The following IFT81 variants were observed in gnomAD, a reference collection of about 807,000 sequenced individuals.
IFT81 encodes the protein intraflagellar transport protein 81 homolog.
In IFT81, 72 loss-of-function variants were observed where a neutral mutation model predicts 102.6. The ratio of observed to expected loss-of-function variants is 0.70; its 90% CI spans 0.58 to 0.85. The LOEUF is 0.85. IFT81 is among the 40% of genes least tolerant of loss of function. IFT81 has a pLI of 0.00. For synonymous variants in IFT81, 237 were observed against 242.7 expected (o/e 0.98, Z 0.22); for missense variants, 723 against 787.3 (o/e 0.92, Z 0.98).
chr12:110,148,877 T>G (rs1045922034), intron 10 of IFT81, among the ~76,000 whole-genome samples: 2 of 152,218 alleles, frequency 1.3e-5, no homozygotes, highest in Non-Finnish European at 2.9e-5. Context: ...TTATCATTAT[T>G]TATCAGTTTT....
At chr12:110,156,956 T>C (rs996392979) in intron 10 of IFT81, among the ~76,000 whole-genome samples, 1 of 152,188 alleles carries the variant, frequency 6.6e-6, no homozygotes, top group Admixed American at 6.5e-5. Flanking sequence ...TGTATGTGAC[T>C]AGTCAGTCTC....
In IFT81 at chr12:110,180,538, TA is replaced by T; in HGVS notation, c.1307del (p.Lys436SerfsTer30). 1 of 1,607,014 alleles carries T rather than the reference TA, an allele frequency of 6.2e-7. No individual in the cohort carries two copies. The highest frequency in any genetic ancestry group is 1.1e-5 in the South Asian group (1 of 90,278). ...GLLQRTEELL[K>X]QRHENIQQQL... The stretch of plus-strand genomic sequence containing the variant: ...TTTTGCAGAGGACTGAAGAACTTCT[TA>T]AGCAACGTCATGAAAATATTCAACA... On this transcript the variant is annotated frameshift_variant, in exon 12 of 19. Transcript: ENST00000242591. LOFTEE classifies it high-confidence loss of function.
At chr12:110,211,053 G>C (rs1472330906) in intron 18 of IFT81, among the ~76,000 whole-genome samples, 1 of 149,354 alleles carries the variant, frequency 6.7e-6, no homozygotes, top group Non-Finnish European at 1.5e-5. Flanking sequence ...TTGTAGAGAC[G>C]GGGTTTCGCC....
chr12:110,206,675 TAAA>T (rs551478493), intron 17 of IFT81, among the ~76,000 whole-genome samples: 4 of 129,010 alleles, frequency 3.1e-5, no homozygotes, highest in Admixed American at 7.9e-5. Context: ...ACTCTGTCTT[TAAA>T]AAAAAAAAAA....
chr12:110,198,021 T>C (rs1200164882), intron 14 of IFT81, among the ~76,000 whole-genome samples: 2 of 152,202 alleles, frequency 1.3e-5, no homozygotes. Context: ...CCTTATTTCT[T>C]TATTTGTACA....
intron 5 of IFT81, among the ~76,000 whole-genome samples, chr12:110,133,019 GGAGTACAGTGGTGT>G (rs1423420354): frequency 6.9e-6 from 1 of 144,230 alleles, no homozygotes; most frequent in Non-Finnish European, 1.5e-5. Flanking sequence ...CATTCAGACT[GGAGTACAGTGGTGT>G]GATCACAGCT....
intron 18 of IFT81, 140 bp downstream of exon 18, chr12:110,209,356 G>A (rs1007183232): frequency 1.4e-5 from 6 of 427,128 alleles, no homozygotes; most frequent in African/African-American, 1.0e-4. Flanking sequence ...TTTAAAGATG[G>A]AAGACTTCCT....
At chr12:110,158,878 G>A (rs924734627) in intron 10 of IFT81, among the ~76,000 whole-genome samples, 1 of 151,622 alleles carries the variant, frequency 6.6e-6, no homozygotes, top group East Asian at 1.9e-4. Context: ...GTGAGCCACC[G>A]CGCCCGGCCA....
At chr12:110,135,537 T>C (rs1446821493) in intron 7 of IFT81, 100 bp downstream of exon 7, 7 of 679,884 alleles carry the variant, frequency 1.0e-5, no homozygotes, top group African/African-American at 7.3e-5. Flanking sequence ...ACGTTCACGT[T>C]CCTTTTGCTA....
intron 12 of IFT81, among the ~76,000 whole-genome samples, chr12:110,183,880 C>T (rs1897409470): frequency 6.6e-6 from 1 of 152,152 alleles, no homozygotes; most frequent in Admixed American, 6.6e-5. Context: ...TCTGTCAGGG[C>T]CCTGACTTTG....
At chr12:110,217,708 C>T (rs1160627507) in intron 18 of IFT81, among the ~76,000 whole-genome samples, 6 of 151,856 alleles carry the variant, frequency 4.0e-5, no homozygotes, top group East Asian at 3.9e-4. Context: ...ACTACAGGCG[C>T]GTGCCCCCAT....
chr12:110,178,081 C>T (rs552229245), intron 11 of IFT81, among the ~76,000 whole-genome samples: 71 of 149,046 alleles, frequency 4.8e-4, no homozygotes, highest in African/African-American at 1.6e-3. Context: ...GGTGACAGAG[C>T]GAGACTCTGT....
chr12:110,187,482 C>T (rs773161448), intron 12 of IFT81, among the ~76,000 whole-genome samples: 230 of 152,294 alleles, frequency 1.5e-3, no homozygotes, highest in Non-Finnish European at 2.8e-3. Flanking sequence ...CCAGGCTGGT[C>T]TTGAACTCCT....
In IFT81 at chr12:110,201,552, T is replaced by G. The variant is rs374455169; in HGVS notation, c.1558-2312T>G. ...CTCAAGCAGCTCTCTCACTTCAGCC[T>G]AAGGAGTAGCTGGGACCACAGGCAC... On this transcript the variant is annotated intron_variant, in intron 14 of 18. Transcript: ENST00000242591. Among the ~76,000 whole-genome samples the G allele has an allele frequency of 3.3e-5, 5 of 152,128 alleles. No homozygotes were observed. In the East Asian group the frequency reaches 9.6e-4, roughly 29 times the overall value.
At chr12:110,149,964 T>C (rs910592586) in intron 10 of IFT81, among the ~76,000 whole-genome samples, 2 of 152,088 alleles carry the variant, frequency 1.3e-5, no homozygotes, top group African/African-American at 4.8e-5. Flanking sequence ...CTCACCTAGG[T>C]CCATGGGGAC....
chr12:110,189,066 T>A (rs1383466581), intron 12 of IFT81, among the ~76,000 whole-genome samples: 1 of 152,104 alleles, frequency 6.6e-6, no homozygotes, highest in Non-Finnish European at 1.5e-5. Flanking sequence ...CTGTAAAACT[T>A]CTTCTTCTGT....
In IFT81 at chr12:110,205,617, G is replaced by C. The variant is rs757736289; in HGVS notation, c.1739G>C (p.Arg580Pro). ...MIKNLEVQLR[R>P]ATDEMKAYIS... ...TAGAACCTAGAAGTTCAACTTCGTC[G>C]TGCTACTGATGAGATGAAGGCATAT... The change falls in exon 17 of 19, where the codon CGT (arginine) becomes CCT (proline). Residue 580 changes from arginine to proline, a missense_variant. Transcript: ENST00000242591. 1 of 1,603,068 alleles carries C rather than the reference G, an allele frequency of 6.2e-7. No individual in the cohort carries two copies.
At chr12:110,144,545 C>G (rs1293070054) in intron 9 of IFT81, among the ~76,000 whole-genome samples, 1 of 150,708 alleles carries the variant, frequency 6.6e-6, no homozygotes, top group African/African-American at 2.4e-5. Flanking sequence ...GAGTCTTGCT[C>G]TGTTGCCTAG....
At chr12:110,158,603 T>C (rs1895969743) in intron 10 of IFT81, among the ~76,000 whole-genome samples, 1 of 151,792 alleles carries the variant, frequency 6.6e-6, no homozygotes, top group South Asian at 2.1e-4. Flanking sequence ...TTTTTTTTTC[T>C]TTTTGAAATG....
Sources: gnomAD v4.1 joint callset for allele counts (sites outside exome capture counted in the v4.1 genomes callset) on GRCh38, gnomAD v4.1.1 for gene constraint, MANE v1.5 for transcripts, NCBI Gene and HGNC (gene_info 2026-07-23, HGNC 2026-07-21) for gene names.